CCDC60: variants seen among roughly 807,000 people sequenced by gnomAD.
The protein encoded by CCDC60 is coiled-coil domain-containing protein 60.
Under a neutral mutation model 63.5 loss-of-function variants are expected in CCDC60, and 54 were observed. The ratio of observed to expected loss-of-function variants is 0.85; its 90% CI spans 0.68 to 1.07. The LOEUF (loss-of-function observed/expected upper bound fraction) is 1.07, where lower values mean the gene tolerates loss of function less well. Among genes scored for constraint, CCDC60 ranks in the 50% least tolerant of loss-of-function variants. The pLI, the probability that CCDC60 is intolerant of heterozygous loss-of-function variation, is 0.00. For missense variants in CCDC60, 651 were observed against 684.3 expected (o/e 0.95, Z 0.54); for synonymous variants, 206 against 238.8 (o/e 0.86, Z 1.27).
chr12:119,338,879 A>T (rs113665936), intron 1 of CCDC60, among the ~76,000 whole-genome samples: 1 of 151,888 alleles, frequency 6.6e-6, no homozygotes, highest in Admixed American at 6.6e-5. Flanking sequence ...GTTGGAAAAA[A>T]CCTCAAAAGG....
At chr12:119,517,156 T>G (rs1429168792) in intron 8 of CCDC60, among the ~76,000 whole-genome samples, 1 of 148,266 alleles carries the variant, frequency 6.7e-6, no homozygotes, top group Non-Finnish European at 1.5e-5. Flanking sequence ...TCTGGCTAAT[T>G]TTTTTTTTAT....
In CCDC60 at chr12:119,449,271, G is replaced by A. The variant is rs184100941; in HGVS notation, c.170+20509G>A. Among the ~76,000 whole-genome samples, 23 of 152,310 alleles carry A rather than the reference G, an allele frequency of 1.5e-4. 1 individual carries two copies. The highest frequency in any genetic ancestry group is 1.2e-3 in the Admixed American group (19 of 15,304). On this transcript the variant is annotated intron_variant, in intron 2 of 13. Transcript: ENST00000327554. Reference sequence around the variant, plus strand: ...GGGTTTAAACACCACTCCTAGTCATGTGGCATAAGGTAGGTCAGAGACTGC... The same window carrying A: ...GGGTTTAAACACCACTCCTAGTCATATGGCATAAGGTAGGTCAGAGACTGC...
chr12:119,477,754 A>G (rs1174754710), intron 3 of CCDC60, among the ~76,000 whole-genome samples: 1 of 152,260 alleles, frequency 6.6e-6, no homozygotes, highest in Middle Eastern at 3.2e-3. Flanking sequence ...CACACACCTC[A>G]TTCAAAGCAG....
At chr12:119,356,898 A>G (rs905368411) in intron 1 of CCDC60, among the ~76,000 whole-genome samples, 1 of 152,222 alleles carries the variant, frequency 6.6e-6, no homozygotes, top group Non-Finnish European at 1.5e-5. Flanking sequence ...TTAAAAAACA[A>G]TTTTATTAAA....
chr12:119,435,925 G>A (rs1214220898), intron 2 of CCDC60, among the ~76,000 whole-genome samples: 1 of 152,152 alleles, frequency 6.6e-6, no homozygotes, highest in Non-Finnish European at 1.5e-5. Flanking sequence ...GAGGTCAGCT[G>A]GCTCTAGGCA....
At chr12:119,467,463 C>A (rs147436542) in intron 2 of CCDC60, among the ~76,000 whole-genome samples, 37 of 152,296 alleles carry the variant, frequency 2.4e-4, no homozygotes, top group Admixed American at 2.4e-3. Context: ...GCGATTAGTG[C>A]CCCTATAAAA....
At chr12:119,487,546 C>T (rs1036595701) in intron 4 of CCDC60, among the ~76,000 whole-genome samples, 1 of 152,028 alleles carries the variant, frequency 6.6e-6, no homozygotes, top group Non-Finnish European at 1.5e-5. Context: ...ATCCGCCTGC[C>T]TCAGCTTCCC....
rs1252219950 is a variant in CCDC60 at position 119,534,878 on chromosome 12, C to CT, written c.1551+3822dup. On this transcript the variant is annotated intron_variant, in intron 13 of 13. Coordinates refer to ENST00000327554, the MANE Select transcript of CCDC60 (RefSeq NM_178499.5). ...TCAGGGATATTGGTCTAAAAATTCT[C>CT]TTTTTTTGTTTTGTCTCTGTCAGGC... Among the ~76,000 whole-genome samples, 4 of 152,024 alleles carry CT rather than the reference C, an allele frequency of 2.6e-5. No homozygotes were observed. In the East Asian group the frequency reaches 5.8e-4, roughly 22 times the overall value.
intron 3 of CCDC60, among the ~76,000 whole-genome samples, chr12:119,473,623 G>A (rs1951112752): frequency 6.6e-6 from 1 of 152,002 alleles, no homozygotes; most frequent in Non-Finnish European, 1.5e-5. Context: ...CTTCCCCCAG[G>A]AGTCCCCAGA....
chr12:119,444,939 T>C (rs1050880814), intron 2 of CCDC60, among the ~76,000 whole-genome samples: 3 of 152,052 alleles, frequency 2.0e-5, no homozygotes, highest in African/African-American at 7.2e-5. Context: ...TTTTTTTTTC[T>C]ATTAGGTGCC....
intron 2 of CCDC60, among the ~76,000 whole-genome samples, chr12:119,441,483 C>A (rs139049761): frequency 3.5e-4 from 54 of 152,234 alleles, no homozygotes; most frequent in African/African-American, 1.3e-3. Context: ...ACCCATGTAA[C>A]CCTCATCAGC....
chr12:119,385,178 C>T (rs1386662433), intron 1 of CCDC60, among the ~76,000 whole-genome samples: 6 of 152,220 alleles, frequency 3.9e-5, no homozygotes, highest in African/African-American at 1.4e-4. Flanking sequence ...CCATTTGCCT[C>T]TCCAGAACCA....
chr12:119,394,587 T>C (rs576666163), intron 1 of CCDC60, among the ~76,000 whole-genome samples: 16 of 152,322 alleles, frequency 1.1e-4, no homozygotes, highest in Admixed American at 1.3e-4. Context: ...CAGAAAACAG[T>C]AATTCTCATG....
chr12:119,355,452 G>C (rs1955707053), intron 1 of CCDC60, among the ~76,000 whole-genome samples: 1 of 152,196 alleles, frequency 6.6e-6, no homozygotes, highest in South Asian at 2.1e-4. Flanking sequence ...AGATTCATCA[G>C]AGCAGGAACA....
Position 119,500,107 on chromosome 12 carries a change from A to G in CCDC60, c.587A>G (p.Lys196Arg). 1 of 1,612,228 alleles carries G rather than the reference A, an allele frequency of 6.2e-7. No homozygotes were observed. Among genetic ancestry groups the G allele is most frequent in the Non-Finnish European group, 8.5e-7 (1 of 1,179,484 alleles). ...CCGGGTGGAAGCAAGAGCACCATTA[A>G]AAAAATCAATAAGGACAAGTCCATG... ...KDPGGSKSTI[K>R]KINKDKSMGQ... The change falls in exon 6 of 14, where the codon AAA becomes AGA. Residue 196 changes from lysine to arginine, a missense_variant. Physicochemically the swap from Lys to Arg is conservative, Grantham distance 26 (BLOSUM62 2). Coordinates refer to ENST00000327554, the MANE Select transcript of CCDC60 (RefSeq NM_178499.5).
intron 1 of CCDC60, among the ~76,000 whole-genome samples, chr12:119,413,428 G>C (rs1050218670): frequency 6.6e-6 from 1 of 152,118 alleles, no homozygotes; most frequent in African/African-American, 2.4e-5. Context: ...AGTCTTGCTC[G>C]GCCCTTAAGG....
At chr12:119,489,999 T>C (rs1043755455) in intron 5 of CCDC60, among the ~76,000 whole-genome samples, 9 of 152,202 alleles carry the variant, frequency 5.9e-5, no homozygotes, top group Non-Finnish European at 1.0e-4. Context: ...GGTTTCACCA[T>C]GTTGGCCAGG....
rs576625395 is a variant in CCDC60, at chr12:119,470,211, C to T, written c.171-1783C>T. Among the ~76,000 whole-genome samples, 3 of 152,372 alleles carry T rather than the reference C, an allele frequency of 2.0e-5. No individual in the cohort carries two copies. The East Asian group carries it at 5.8e-4, about 29-fold the overall frequency. On this transcript the variant is annotated intron_variant, in intron 2 of 13. Coordinates refer to ENST00000327554, the MANE Select transcript of CCDC60 (RefSeq NM_178499.5). Reference sequence around the variant, plus strand: ...GGTGAATTCCTACTTAGCCTAAATACTACCTCCTCCAGAAAGCCTTCCAAG... The same window carrying T: ...GGTGAATTCCTACTTAGCCTAAATATTACCTCCTCCAGAAAGCCTTCCAAG...
In CCDC60 at chr12:119,334,754, G is replaced by C. The variant is rs1955453365; in HGVS notation, c.-423G>C. On this transcript the variant is annotated 5_prime_UTR_variant, in exon 1 of 14. Coordinates refer to ENST00000327554, the MANE Select transcript of CCDC60 (RefSeq NM_178499.5). ...GCAGTGCGATAAACCCCTCGTTGGG[G>C]CCGCCTTAGTTCTCGGCCGCTCTCG... 1 of 152,226 alleles carries C rather than the reference G, an allele frequency of 6.6e-6. No individual in the cohort carries two copies. The highest frequency in any genetic ancestry group is 6.6e-5 in the Admixed American group (1 of 15,236). 9.4% of individuals were successfully genotyped at this position (152,226 alleles called of 1,614,324 possible). A position where few individuals can be genotyped will look rare whatever the true frequency, so the allele number is the denominator to read the frequency against.
Sources: allele counts gnomAD v4.1 joint callset (sites outside exome capture counted in the v4.1 genomes callset), GRCh38; gene constraint gnomAD v4.1.1; transcripts MANE v1.5; gene names NCBI Gene and HGNC (gene_info 2026-07-23, HGNC 2026-07-21).